Variants in APP observed in about 807,000 individuals in gnomAD.
APP encodes the protein amyloid beta precursor protein, also known as amyloid-beta precursor protein.
APP carries 31 observed loss-of-function variants against 101.4 expected under a neutral mutation model. That is an observed-to-expected ratio of 0.31 (90% CI 0.23 to 0.41). The LOEUF is 0.41. Ranked by LOEUF, APP falls within the 10% of genes least tolerant of loss-of-function variation. APP has a pLI of 1.00. For missense variants in APP, 839 were observed against 1,003.7 expected (o/e 0.84, Z 2.22); for synonymous variants, 366 against 364.4 (o/e 1.00, Z -0.05).
intron 8 of APP, among the ~76,000 whole-genome samples, chr21:25,984,091 G>T (rs1425902187): frequency 1.3e-5 from 2 of 152,182 alleles, no homozygotes; most frequent in Non-Finnish European, 2.9e-5. Flanking sequence ...ACACAGTGGA[G>T]CTCATACATG....
chr21:26,109,303 T>C (rs966584329), intron 2 of APP, among the ~76,000 whole-genome samples: 3 of 152,166 alleles, frequency 2.0e-5, no homozygotes, highest in Non-Finnish European at 4.4e-5. Flanking sequence ...TGGGAAGGGA[T>C]TGGATCATGG....
At chr21:26,059,890 C>CAAAA (rs57594630) in intron 3 of APP, among the ~76,000 whole-genome samples, 30 of 70,660 alleles carry the variant, frequency 4.2e-4, no homozygotes, top group East Asian at 1.7e-3. Context: ...GACTCCGTCT[C>CAAAA]AAAAAAAAAA....
chr21:25,934,896 A>G (rs2040299467), intron 13 of APP: 1 of 152,212 alleles, frequency 6.6e-6, no homozygotes, highest in South Asian at 2.1e-4. Context: ...TCCTCTTCCA[A>G]TGCCCTTCCA....
chr21:26,168,845 T>C (rs760794883), intron 1 of APP, among the ~76,000 whole-genome samples: 1 of 152,190 alleles, frequency 6.6e-6, no homozygotes, highest in African/African-American at 2.4e-5. Flanking sequence ...CCTGAGCCAC[T>C]TGTGGGTAAA....
At chr21:26,046,023 C>T (rs912292520) in intron 5 of APP, among the ~76,000 whole-genome samples, 2 of 152,030 alleles carry the variant, frequency 1.3e-5, no homozygotes, top group Non-Finnish European at 2.9e-5. Context: ...AGGGGAACCC[C>T]TCTTTTTAAA....
chr21:25,974,856 G>A (rs2042166339), intron 11 of APP, among the ~76,000 whole-genome samples: 1 of 152,218 alleles, frequency 6.6e-6, no homozygotes. Flanking sequence ...CTGTGGGGAA[G>A]TGTGAGTACC....
At chr21:26,088,269 T>A (rs192700835) in intron 3 of APP, among the ~76,000 whole-genome samples, 2 of 152,330 alleles carry the variant, frequency 1.3e-5, no homozygotes, top group African/African-American at 4.8e-5. Flanking sequence ...TAAATAACAA[T>A]CTTAATGTGG....
chr21:26,117,126 C>T (rs2062452614), intron 1 of APP, among the ~76,000 whole-genome samples: 3 of 152,188 alleles, frequency 2.0e-5, no homozygotes. Context: ...TCAAGTGATC[C>T]TCCTGCCTCG....
intron 6 of APP, among the ~76,000 whole-genome samples, chr21:26,004,233 C>T (rs1295701889): frequency 6.7e-6 from 1 of 148,832 alleles, no homozygotes; most frequent in Non-Finnish European, 1.5e-5. Context: ...AGTTGTGATA[C>T]TGTACTGAGT....
intron 13 of APP, among the ~76,000 whole-genome samples, chr21:25,952,056 AC>A (rs1169666764): frequency 6.6e-6 from 1 of 152,176 alleles, no homozygotes; most frequent in Non-Finnish European, 1.5e-5. Context: ...AAATGGAAGC[AC>A]CCAGGATTCC....
intron 3 of APP, among the ~76,000 whole-genome samples, chr21:26,065,728 T>C (rs567992918): frequency 1.3e-5 from 2 of 152,340 alleles, no homozygotes; most frequent in South Asian, 4.1e-4. Flanking sequence ...GCTTCCTCAT[T>C]AACCAACCCA....
chr21:26,078,256 T>C (rs1317545691), intron 3 of APP, among the ~76,000 whole-genome samples: 1 of 152,172 alleles, frequency 6.6e-6, no homozygotes, highest in African/African-American at 2.4e-5. Flanking sequence ...CAGTTCTGCT[T>C]TTATGGGTAT....
intron 2 of APP, among the ~76,000 whole-genome samples, chr21:26,098,807 T>C (rs1431706702): frequency 6.6e-6 from 1 of 152,350 alleles, no homozygotes; most frequent in Non-Finnish European, 1.5e-5. Flanking sequence ...GTGGTACTAA[T>C]AAAATGTTTT....
At chr21:25,997,782 CTGTT>C (rs2043114256) in intron 7 of APP, among the ~76,000 whole-genome samples, 1 of 152,194 alleles carries the variant, frequency 6.6e-6, no homozygotes, top group Non-Finnish European at 1.5e-5. Flanking sequence ...TCGGCTCTGG[CTGTT>C]TGCTGAGGCT....
At chr21:26,122,414 T>C (rs2062593914) in intron 1 of APP, among the ~76,000 whole-genome samples, 1 of 152,220 alleles carries the variant, frequency 6.6e-6, no homozygotes, top group Non-Finnish European at 1.5e-5. Flanking sequence ...GGTTAAGTTA[T>C]CATATTGTCT....
chr21:25,917,572 C>T (rs1341176423), intron 13 of APP, among the ~76,000 whole-genome samples: 18 of 152,104 alleles, frequency 1.2e-4, no homozygotes, highest in Admixed American at 1.1e-3. Flanking sequence ...TCACATCTTA[C>T]GATTAAAGAA....
chr21:25,959,012 AT>A (rs10718698), intron 11 of APP, among the ~76,000 whole-genome samples: 152,302 of 152,302 alleles, frequency 1, 76,151 homozygotes, highest in Non-Finnish European at 1. Context: ...TTAGTGTTAG[AT>A]TTGAAGAATG....
intron 1 of APP, among the ~76,000 whole-genome samples, chr21:26,126,977 C>CAAA (rs34453423): frequency 7.0e-5 from 10 of 143,076 alleles, no homozygotes; most frequent in African/African-American, 2.0e-4. Flanking sequence ...TCCACAGAAG[C>CAAA]AAAAAAAAAA....
chr21:26,167,521 G>A (rs1162544711), intron 1 of APP, among the ~76,000 whole-genome samples: 2 of 152,162 alleles, frequency 1.3e-5, no homozygotes, highest in South Asian at 4.1e-4. Context: ...TAATAGCTAT[G>A]CTTATTTCCA....
Sources: gnomAD v4.1 joint callset for allele counts (sites outside exome capture counted in the v4.1 genomes callset) on GRCh38, gnomAD v4.1.1 for gene constraint, MANE v1.5 for transcripts, NCBI Gene and HGNC (gene_info 2026-07-23, HGNC 2026-07-21) for gene names.